AP4S1: variants seen among roughly 807,000 people sequenced by gnomAD.
AP4S1 encodes adaptor related protein complex 4 subunit sigma 1, also known as AP-4 complex subunit sigma-1.
In AP4S1, 23 loss-of-function variants were observed where a neutral mutation model predicts 19.8. That is an observed-to-expected ratio of 1.16 (90% CI 0.84 to 1.65). AP4S1 has a LOEUF of 1.65. Among genes scored for constraint, AP4S1 ranks in the 40% most tolerant of loss-of-function variants. The pLI is 0.00. For missense variants in AP4S1, 166 were observed against 172.8 expected (o/e 0.96, Z 0.22); for synonymous variants, 46 against 54.1 (o/e 0.85, Z 0.66).
intron 4 of AP4S1, among the ~76,000 whole-genome samples, chr14:31,079,017 T>C (rs1281634940): frequency 6.6e-6 from 1 of 152,240 alleles, no homozygotes; most frequent in Non-Finnish European, 1.5e-5. Flanking sequence ...ATCAGTCTCA[T>C]GCTGTCTGGG....
chr14:31,058,746 CT>C (rs1235039376), intron 1 of AP4S1, among the ~76,000 whole-genome samples: 1 of 147,166 alleles, frequency 6.8e-6, no homozygotes, highest in Non-Finnish European at 1.5e-5. Context: ...TTTTTTTTTC[CT>C]TTTTTTTTAG....
At chr14:31,060,250 C>T (rs899202593) in intron 1 of AP4S1, among the ~76,000 whole-genome samples, 14 of 151,862 alleles carry the variant, frequency 9.2e-5, no homozygotes, top group Admixed American at 9.2e-4. Flanking sequence ...CATGCAAAAC[C>T]CCAGTTATAT....
At chr14:31,074,860 T>C (rs1282843169) in intron 4 of AP4S1, among the ~76,000 whole-genome samples, 1 of 152,040 alleles carries the variant, frequency 6.6e-6, no homozygotes, top group Non-Finnish European at 1.5e-5. Flanking sequence ...CAGTGATCTA[T>C]CTTTTTTTCT....
chr14:31,066,042 A>G, intron 1 of AP4S1, 84 bp from the exon 2 acceptor site: 1 of 656,410 alleles, frequency 1.5e-6, no homozygotes, highest in Admixed American at 2.9e-5. Context: ...TACTTTATTT[A>G]CTGTTTATCT....
At chr14:31,026,417 C>G in intron 1 of AP4S1, 1 of 145,334 alleles carries the variant, frequency 6.9e-6, no homozygotes, top group Non-Finnish European at 1.3e-5. Context: ...AAGGGGGGGC[C>G]TCGGCGGGAG....
intron 1 of AP4S1, among the ~76,000 whole-genome samples, chr14:31,033,891 A>G (rs796646134): frequency 5.3e-5 from 8 of 152,348 alleles, no homozygotes; most frequent in African/African-American, 1.9e-4. Flanking sequence ...GGGTATGAGT[A>G]AGAAAAAAAA....
chr14:31,062,586 T>C (rs757681076), intron 1 of AP4S1, among the ~76,000 whole-genome samples: 3 of 152,208 alleles, frequency 2.0e-5, no homozygotes, highest in Admixed American at 6.5e-5. Flanking sequence ...GAGGGGTCTG[T>C]GTTCTAGTTT....
Position 31,084,514 on chromosome 14 carries a change from T to G in AP4S1, c.306+3930T>G, listed in dbSNP as rs7157080. Among the ~76,000 whole-genome samples, 43,031 of 152,138 alleles carry G rather than the reference T, an allele frequency of 0.28. 7,588 individuals carry two copies. Among genetic ancestry groups the G allele is most frequent in the African/African-American group, 0.49 (20,524 of 41,500 alleles). ...CTCTGGCTTGTTGAAAAGCCTTCCA[T>G]TTAGTGGAAACCTCTGGTGCAGTGG... On this transcript the variant is annotated intron_variant, in intron 5 of 5. Coordinates refer to ENST00000542754, the MANE Select transcript of AP4S1 (RefSeq NM_001128126.3).
At chr14:31,072,405 C>G (rs765224290) in intron 3 of AP4S1, among the ~76,000 whole-genome samples, 2 of 151,830 alleles carry the variant, frequency 1.3e-5, no homozygotes, top group Non-Finnish European at 2.9e-5. Flanking sequence ...GGACCTCGCT[C>G]TGTTTCCCAG....
intron 1 of AP4S1, among the ~76,000 whole-genome samples, chr14:31,050,571 A>G (rs1885733685): frequency 1.3e-5 from 2 of 152,280 alleles, no homozygotes; most frequent in South Asian, 2.1e-4. Context: ...CAGCCTCCCA[A>G]GTATCTGGGA....
intron 1 of AP4S1, among the ~76,000 whole-genome samples, chr14:31,041,117 C>T (rs1340500782): frequency 6.6e-6 from 1 of 151,300 alleles, no homozygotes; most frequent in African/African-American, 2.4e-5. Context: ...TATCAGAATC[C>T]AGAATATCTG....
chr14:31,029,372 G>T (rs963325880), intron 1 of AP4S1, among the ~76,000 whole-genome samples: 7 of 152,144 alleles, frequency 4.6e-5, no homozygotes, highest in Non-Finnish European at 8.8e-5. Context: ...AATTGATCTA[G>T]ATCCATCCTA....
chr14:31,073,293 A>T (rs190330158), intron 4 of AP4S1: 2 of 295,242 alleles, frequency 6.8e-6, no homozygotes, highest in Non-Finnish European at 1.3e-5. Context: ...GATGGAGACC[A>T]TCCTGGCTAA....
At chr14:31,045,644 A>G (rs578181830) in intron 1 of AP4S1, among the ~76,000 whole-genome samples, 6 of 152,172 alleles carry the variant, frequency 3.9e-5, no homozygotes, top group South Asian at 2.1e-4. Flanking sequence ...TCTTTATAGC[A>G]GTGTGAAAGC....
chr14:31,063,191 G>A (rs1018532951), intron 1 of AP4S1, among the ~76,000 whole-genome samples: 74 of 152,120 alleles, frequency 4.9e-4, no homozygotes, highest in Admixed American at 3.6e-3. Context: ...AGCACTTTGA[G>A]AGGCTGAGGC....
At chr14:31,078,779 T>C (rs1887493323) in intron 4 of AP4S1, among the ~76,000 whole-genome samples, 1 of 152,194 alleles carries the variant, frequency 6.6e-6, no homozygotes, top group South Asian at 2.1e-4. Context: ...CAGGTGATTA[T>C]GCAGGACTTG....
chr14:31,081,302 A>G, intron 5 of AP4S1, among the ~76,000 whole-genome samples: 1 of 152,156 alleles, frequency 6.6e-6, no homozygotes, highest in East Asian at 1.9e-4. Flanking sequence ...ACATGACCAG[A>G]ATAAGGCCTT....
At chr14:31,080,517 A>G (rs1026474423) in intron 4 of AP4S1, 56 bp from the exon 5 acceptor site, 20 of 1,428,842 alleles carry the variant, frequency 1.4e-5, no homozygotes, top group Non-Finnish European at 1.9e-5. Flanking sequence ...CTCTGCTAAG[A>G]GCAGTGGTCC....
intron 1 of AP4S1, among the ~76,000 whole-genome samples, chr14:31,057,954 G>A (rs960814643): frequency 6.7e-6 from 1 of 149,132 alleles, no homozygotes; most frequent in Admixed American, 6.7e-5. Flanking sequence ...TTTAGAGATA[G>A]GGTCTCCATC....
Sources: allele counts gnomAD v4.1 joint callset (sites outside exome capture counted in the v4.1 genomes callset), GRCh38; gene constraint gnomAD v4.1.1; transcripts MANE v1.5; gene names NCBI Gene and HGNC (gene_info 2026-07-23, HGNC 2026-07-21).